The following FAM13A variants were observed in gnomAD, a reference collection of about 807,000 sequenced individuals.
FAM13A encodes the protein family with sequence similarity 13 member A.
Under a neutral mutation model 129.6 loss-of-function variants are expected in FAM13A, and 76 were observed. The ratio of observed to expected loss-of-function variants is 0.59; its 90% CI spans 0.49 to 0.71. FAM13A has a LOEUF of 0.71. FAM13A is among the 30% of genes least tolerant of loss of function. The probability of loss-of-function intolerance (pLI) is 0.00; values close to 1 mark genes in which losing one functional copy is unlikely to be tolerated. For synonymous variants in FAM13A, 443 were observed against 449.9 expected, an observed-to-expected ratio of 0.98 and a Z score of 0.20; for missense variants, 1,108 against 1,249.3, an observed-to-expected ratio of 0.89 and a Z score of 1.70.
At position 88,749,852 on chromosome 4, in the gene FAM13A, G is replaced by C; in HGVS notation, c.1998C>G (p.Ala666=). ...GGCTCTGAATCCTTCGTGTGAGCTGGGCAGGTGTCAGGTCCTCTTGCTCAT... is the reference window on the plus strand; with the variant it reads ...GGCTCTGAATCCTTCGTGTGAGCTGCGCAGGTGTCAGGTCCTCTTGCTCAT... ...YDDEQEDLTP[A]QLTRRIQSLK... Residue 666 remains alanine (A), a synonymous_variant, in exon 16 of 24, where the codon GCC becomes GCG. Coordinates refer to ENST00000264344, the MANE Select transcript of FAM13A (RefSeq NM_014883.4). 6.2e-7 allele frequency: 1 copy of C among 1,614,056 alleles called. No individual in the cohort carries two copies. Among genetic ancestry groups the C allele is most frequent in the Non-Finnish European group, 8.5e-7 (1 of 1,179,962 alleles).
chr4:88,871,782 G>A (rs1020128297), intron 6 of FAM13A, among the ~76,000 whole-genome samples: 1 of 152,106 alleles, frequency 6.6e-6, no homozygotes, highest in Non-Finnish European at 1.5e-5. Flanking sequence ...TCAAATTCAG[G>A]AAATACAGAG....
intron 2 of FAM13A, among the ~76,000 whole-genome samples, chr4:89,021,774 T>G (rs1767288664): frequency 6.6e-6 from 1 of 151,394 alleles, no homozygotes; most frequent in Non-Finnish European, 1.5e-5. Flanking sequence ...GGAAAAGAAG[T>G]GAAAAACAAA....
chr4:88,978,629 C>A (rs947274767), intron 4 of FAM13A, among the ~76,000 whole-genome samples: 2 of 152,062 alleles, frequency 1.3e-5, no homozygotes, highest in Admixed American at 6.6e-5. Context: ...CCCGTCTTTA[C>A]TAAAAACACA....
At chr4:88,972,704 T>A (rs1174275058) in intron 4 of FAM13A, among the ~76,000 whole-genome samples, 1 of 152,014 alleles carries the variant, frequency 6.6e-6, no homozygotes, top group East Asian at 1.9e-4. Flanking sequence ...GCCTCCCAGT[T>A]CAAGAGATTC....
chr4:89,013,485 T>C (rs544971510), intron 3 of FAM13A, among the ~76,000 whole-genome samples: 2 of 145,084 alleles, frequency 1.4e-5, no homozygotes, highest in Admixed American at 1.4e-4. Context: ...TAACTAGTAG[T>C]TGCTCAATTA....
At chr4:88,949,113 T>C (rs190851932) in intron 4 of FAM13A, among the ~76,000 whole-genome samples, 1 of 152,338 alleles carries the variant, frequency 6.6e-6, no homozygotes, top group East Asian at 1.9e-4. Context: ...TTCAACATAT[T>C]AGTTATCCTC....
rs1184953177 is a variant in FAM13A at position 88,938,007 on chromosome 4, G to A, written c.759+81C>T. On this transcript the variant is annotated intron_variant, in intron 5 of 23. Coordinates refer to ENST00000264344, the MANE Select transcript of FAM13A (RefSeq NM_014883.4). Reference sequence around the variant, plus strand: ...ATAATCTGAGGGTTATATCCATATGGAATTTTTATGAGAAAGAATTAAATA... The same window carrying A: ...ATAATCTGAGGGTTATATCCATATGAAATTTTTATGAGAAAGAATTAAATA... 2.8e-6 allele frequency: 3 copies of A among 1,078,740 alleles called. No individual in the cohort carries two copies. In the East Asian group the frequency reaches 7.1e-5, roughly 26 times the overall value. 66.8% of individuals were successfully genotyped at this position (1,078,740 alleles called of 1,614,324 possible). A position where few individuals can be genotyped will look rare whatever the true frequency, so the allele number is the denominator to read the frequency against.
intron 4 of FAM13A, among the ~76,000 whole-genome samples, chr4:88,981,176 A>C (rs1761622583): frequency 6.6e-6 from 1 of 152,202 alleles, no homozygotes; most frequent in African/African-American, 2.4e-5. Flanking sequence ...CAGAGATATG[A>C]AGCAAAATTT....
chr4:89,001,185 T>C (rs1416135924), intron 3 of FAM13A, among the ~76,000 whole-genome samples: 3 of 152,206 alleles, frequency 2.0e-5, no homozygotes, highest in African/African-American at 4.8e-5. Flanking sequence ...TAGATACAAA[T>C]AAGGTTCTTC....
At chr4:89,056,821 C>T (rs947750637) in intron 1 of FAM13A, 117 bp downstream of exon 1, 2 of 991,900 alleles carry the variant, frequency 2.0e-6, no homozygotes, top group Non-Finnish European at 3.0e-6. Context: ...CAAATCTTTC[C>T]CCACCTCCTG....
chr4:88,824,701 C>CTT (rs1204656948), intron 7 of FAM13A, among the ~76,000 whole-genome samples: 3 of 102,390 alleles, frequency 2.9e-5, no homozygotes, highest in African/African-American at 1.5e-4. Flanking sequence ...TTGCTTAACA[C>CTT]TTTATTATTT....
chr4:89,025,625 C>T (rs1394359612), intron 2 of FAM13A, among the ~76,000 whole-genome samples: 6 of 152,226 alleles, frequency 3.9e-5, no homozygotes, highest in African/African-American at 1.4e-4. Context: ...CAGTATGGGA[C>T]TGCTTAAAGA....
intron 6 of FAM13A, among the ~76,000 whole-genome samples, chr4:88,905,351 G>A (rs1172436043): frequency 6.6e-6 from 1 of 151,822 alleles, no homozygotes; most frequent in Non-Finnish European, 1.5e-5. Flanking sequence ...TGGCCAGACT[G>A]GTCCTTTTTC....
chr4:88,751,289 T>C (rs13131361), intron 14 of FAM13A, among the ~76,000 whole-genome samples: 9 of 151,980 alleles, frequency 5.9e-5, no homozygotes, highest in Middle Eastern at 3.4e-3. Flanking sequence ...GAAAATGTGT[T>C]GGTGGGGGAG....
At chr4:88,796,682 ACT>A (rs1726244640) in intron 8 of FAM13A, among the ~76,000 whole-genome samples, 1 of 147,042 alleles carries the variant, frequency 6.8e-6, no homozygotes, top group African/African-American at 2.5e-5. Context: ...TTTAGGTATG[ACT>A]CTTTTGCAAA....
chr4:88,979,052 C>T (rs1225280131), intron 4 of FAM13A, among the ~76,000 whole-genome samples: 1 of 152,052 alleles, frequency 6.6e-6, no homozygotes, highest in Non-Finnish European at 1.5e-5. Context: ...TAAGAAAACT[C>T]AAGGAAGAGA....
At position 88,938,140 on chromosome 4, in the gene FAM13A, G is replaced by A; in HGVS notation, c.707C>T (p.Thr236Ile). 6.2e-7 allele frequency: 1 copy of A among 1,613,032 alleles called. No individual in the cohort carries two copies. The highest frequency in any genetic ancestry group is 8.5e-7 in the Non-Finnish European group (1 of 1,179,186). Residue 236 changes from threonine to isoleucine, a missense_variant, in exon 5 of 24, where the codon ACA becomes ATA. Physicochemically the swap from Thr to Ile is moderately conservative, Grantham distance 89 (BLOSUM62 -1). Transcript: ENST00000264344. ...TTCACATCTCAGATGATCATTTTCT[G>A]TATACTCTACTTCAAACAGGGTATT... ...NYNTLFEVEY[T>I]ENDHLRCENL...
At chr4:88,893,848 C>T (rs963262721) in intron 6 of FAM13A, among the ~76,000 whole-genome samples, 1 of 135,214 alleles carries the variant, frequency 7.4e-6, no homozygotes, top group African/African-American at 2.7e-5. Context: ...AAAAAAGAAA[C>T]AGTTCAAGAG....
intron 7 of FAM13A, among the ~76,000 whole-genome samples, chr4:88,810,683 T>C (rs1273243517): frequency 6.6e-6 from 1 of 152,180 alleles, no homozygotes; most frequent in African/African-American, 2.4e-5. Context: ...TTTCCCATAC[T>C]GACATGGGGA....
Sources: gnomAD v4.1 joint callset for allele counts (sites outside exome capture counted in the v4.1 genomes callset) on GRCh38, gnomAD v4.1.1 for gene constraint, MANE v1.5 for transcripts, NCBI Gene and HGNC (gene_info 2026-07-23, HGNC 2026-07-21) for gene names.